Variants in CEP63 observed in about 807,000 individuals in gnomAD.
CEP63 encodes the protein centrosomal protein of 63 kDa.
In CEP63, 84 loss-of-function variants were observed where a neutral mutation model predicts 89.1. That is an observed-to-expected ratio of 0.94 (90% CI 0.79 to 1.13). The LOEUF (loss-of-function observed/expected upper bound fraction) is 1.13, where lower values mean the gene tolerates loss of function less well. Ranked by LOEUF, CEP63 falls within the 50% of genes most tolerant of loss-of-function variation. CEP63 has a pLI of 0.00. For synonymous variants in CEP63, 267 were observed against 272.5 expected, an observed-to-expected ratio of 0.98 and a Z score of 0.20; for missense variants, 838 against 813.3, an observed-to-expected ratio of 1.03 and a Z score of -0.37.
chr3:134,531,560 C>G (rs376214804), intron 3 of CEP63, among the ~76,000 whole-genome samples: 1 of 151,894 alleles, frequency 6.6e-6, no homozygotes, highest in Non-Finnish European at 1.5e-5. Context: ...CCAGCCTGGG[C>G]GAGAGTGAGA....
the CEP63 span, among the ~76,000 whole-genome samples, chr3:134,702,927 G>A: frequency 7.9e-5 from 12 of 152,124 alleles, no homozygotes; most frequent in East Asian, 3.9e-4. Flanking sequence ...CAAAGACCTA[G>A]AGGCAGAAAT....
At chr3:134,743,913 T>C in the CEP63 span, among the ~76,000 whole-genome samples, 1 of 152,134 alleles carries the variant, frequency 6.6e-6, no homozygotes, top group Non-Finnish European at 1.5e-5. Context: ...TTGCCTCTCA[T>C]AGCACCTCTC....
intron 3 of CEP63, among the ~76,000 whole-genome samples, chr3:134,521,015 A>C (rs984706407): frequency 6.6e-6 from 1 of 152,188 alleles, no homozygotes; most frequent in Non-Finnish European, 1.5e-5. Flanking sequence ...AGACTATATT[A>C]AAATAATGAA....
At chr3:134,559,458 T>C in intron 14 of CEP63, 29 bp downstream of exon 14, 2 of 1,594,784 alleles carry the variant, frequency 1.3e-6, no homozygotes, top group South Asian at 2.2e-5. Flanking sequence ...CTTAGTAATT[T>C]GTTAGTTTTT....
chr3:134,698,744 A>G, the CEP63 span, among the ~76,000 whole-genome samples: 1 of 152,138 alleles, frequency 6.6e-6, no homozygotes, highest in African/African-American at 2.4e-5. Flanking sequence ...CTCCTTTCTC[A>G]GGCTACCTCC....
intron 2 of CEP63, among the ~76,000 whole-genome samples, chr3:134,502,719 A>C (rs1257514160): frequency 6.6e-6 from 1 of 151,632 alleles, no homozygotes; most frequent in Non-Finnish European, 1.5e-5. Flanking sequence ...TTTTTTGGTG[A>C]TTTAGCTAGC....
At chr3:134,759,712 A>G in the CEP63 span, among the ~76,000 whole-genome samples, 1 of 152,210 alleles carries the variant, frequency 6.6e-6, no homozygotes. Context: ...TTAAAGAGGA[A>G]ATATGACCAC....
intron 1 of CEP63, among the ~76,000 whole-genome samples, chr3:134,488,756 G>T (rs1319500691): frequency 6.6e-6 from 1 of 152,328 alleles, no homozygotes; most frequent in African/African-American, 2.4e-5. Flanking sequence ...TGCCAAAAAG[G>T]TTGGGGACCA....
the CEP63 span, among the ~76,000 whole-genome samples, chr3:134,623,317 A>T: frequency 6.6e-6 from 1 of 152,132 alleles, no homozygotes; most frequent in Non-Finnish European, 1.5e-5. Context: ...GGCCCTTTGC[A>T]GACTCCAGAC....
chr3:134,641,936 C>CT, the CEP63 span, among the ~76,000 whole-genome samples: 73 of 152,088 alleles, frequency 4.8e-4, no homozygotes, highest in Admixed American at 9.2e-4. Flanking sequence ...TCTCTGAGTC[C>CT]TTTTTTTTGT....
At chr3:134,652,510 C>T in the CEP63 span, among the ~76,000 whole-genome samples, 1 of 136,770 alleles carries the variant, frequency 7.3e-6, no homozygotes, top group African/African-American at 2.7e-5. Flanking sequence ...AGGTTGTTGG[C>T]TTCCAGTAAT....
At chr3:134,663,549 G>C in the CEP63 span, among the ~76,000 whole-genome samples, 2 of 152,336 alleles carry the variant, frequency 1.3e-5, no homozygotes. Context: ...AACCCCGGGG[G>C]CCTTCTATTC....
At chr3:134,654,442 G>T in the CEP63 span, among the ~76,000 whole-genome samples, 1 of 152,172 alleles carries the variant, frequency 6.6e-6, no homozygotes, top group Admixed American at 6.5e-5. Context: ...TTTTGGCAGG[G>T]AATTTTCTCC....
the CEP63 span, among the ~76,000 whole-genome samples, chr3:134,715,550 C>G: frequency 6.9e-6 from 1 of 144,110 alleles, no homozygotes; most frequent in Non-Finnish European, 1.5e-5. Flanking sequence ...TTTTTCCTCT[C>G]TCTAGACTGG....
the CEP63 span, chr3:134,615,170 A>G: frequency 6.6e-6 from 1 of 152,400 alleles, no homozygotes; most frequent in East Asian, 1.9e-4. Context: ...TCTTGATAAT[A>G]ATTCTCTCTC....
the CEP63 span, among the ~76,000 whole-genome samples, chr3:134,681,183 G>T: frequency 1.3e-5 from 2 of 152,190 alleles, no homozygotes; most frequent in East Asian, 3.9e-4. Flanking sequence ...GAGAGCTGGG[G>T]GTCGGGGGGT....
chr3:134,697,665 A>G, the CEP63 span, among the ~76,000 whole-genome samples: 2 of 152,182 alleles, frequency 1.3e-5, no homozygotes, highest in African/African-American at 2.4e-5. Flanking sequence ...CACAGGCCTA[A>G]GCTAATGGGC....
At chr3:134,708,308 A>G in the CEP63 span, among the ~76,000 whole-genome samples, 1 of 152,234 alleles carries the variant, frequency 6.6e-6, no homozygotes, top group South Asian at 2.1e-4. Flanking sequence ...TTTCAACAAC[A>G]ATAATGCTTT....
chr3:134,494,092 A>T (rs992458443), intron 1 of CEP63, among the ~76,000 whole-genome samples: 9 of 143,522 alleles, frequency 6.3e-5, no homozygotes, highest in African/African-American at 2.3e-4. Flanking sequence ...CCTTTATTTT[A>T]TATTTATTTA....
Sources: allele counts gnomAD v4.1 joint callset (sites outside exome capture counted in the v4.1 genomes callset), GRCh38; gene constraint gnomAD v4.1.1; transcripts MANE v1.5; gene names NCBI Gene and HGNC (gene_info 2026-07-23, HGNC 2026-07-21).